Variants in RSPO2 observed in about 807,000 individuals in gnomAD.
RSPO2 encodes R-spondin 2.
A neutral mutation model predicts 30.9 loss-of-function variants in RSPO2; 14 were observed. The ratio of observed to expected loss-of-function variants is 0.45; its 90% confidence interval spans 0.30 to 0.71. The LOEUF is 0.71. Ranked by LOEUF, RSPO2 falls within the 30% of genes least tolerant of loss-of-function variation. The pLI is 0.08. For missense variants in RSPO2, 264 were observed against 301.9 expected (o/e 0.87, Z 0.93); for synonymous variants, 107 against 96.4 (o/e 1.11, Z -0.64).
At chr8:107,927,151 T>A (rs1389148991) in intron 5 of RSPO2, among the ~76,000 whole-genome samples, 1 of 152,222 alleles carries the variant, frequency 6.6e-6, no homozygotes, top group Non-Finnish European at 1.5e-5. Context: ...TTATTCTCTT[T>A]GAAGCAATTG....
chr8:107,966,438 C>G (rs894338678), intron 3 of RSPO2, among the ~76,000 whole-genome samples: 1 of 152,114 alleles, frequency 6.6e-6, no homozygotes, highest in Non-Finnish European at 1.5e-5. Flanking sequence ...CTAAGCTTGA[C>G]GTAAAGACAC....
At chr8:107,961,573 T>C (rs1181823943) in intron 3 of RSPO2, among the ~76,000 whole-genome samples, 1 of 152,144 alleles carries the variant, frequency 6.6e-6, no homozygotes, top group East Asian at 1.9e-4. Flanking sequence ...CACTAGGAGT[T>C]TGTGAAACAG....
intron 3 of RSPO2, among the ~76,000 whole-genome samples, chr8:107,972,151 C>CTTT (rs559178839): frequency 5.9e-4 from 87 of 146,290 alleles, no homozygotes; most frequent in African/African-American, 2.1e-3. Flanking sequence ...TAAACACAGT[C>CTTT]TTTTTTTTTT....
intron 5 of RSPO2, among the ~76,000 whole-genome samples, chr8:107,906,932 A>G (rs966377): frequency 0.22 from 33,808 of 151,618 alleles, 4,246 homozygotes; most frequent in Middle Eastern, 0.39. Flanking sequence ...TTTTAAATCT[A>G]CTCTTTGCAA....
In RSPO2 at chr8:108,023,569, T is replaced by G. The variant is rs996370371; in HGVS notation, c.95-34325A>C. Among the ~76,000 whole-genome samples the G allele has an allele frequency of 7.2e-5, 11 of 152,198 alleles. No homozygotes were observed. The East Asian group carries it at 7.7e-4, about 11-fold the overall frequency. On this transcript the variant is annotated intron_variant, in intron 2 of 5. Transcript: ENST00000276659. ...TGTAAAAATAAAATTAAGATTGGCTTCCTCTTAGGTAGTGAGAGTTGAACA... is the reference window on the plus strand; with the variant it reads ...TGTAAAAATAAAATTAAGATTGGCTGCCTCTTAGGTAGTGAGAGTTGAACA...
chr8:108,060,829 A>G (rs9693129), intron 2 of RSPO2, among the ~76,000 whole-genome samples: 89,867 of 151,590 alleles, frequency 0.59, 27,818 homozygotes, highest in African/African-American at 0.79. Context: ...GACTAACAGC[A>G]GATCTCTCAA....
Position 107,983,219 on chromosome 8 carries a change from A to G in RSPO2, c.283+5837T>C, listed in dbSNP as rs1814512159. The G allele has an allele frequency of 3.2e-6, 5 of 1,578,040 alleles. No homozygotes were observed. In the African/African-American group the frequency reaches 4.1e-5, roughly 13 times the overall value. On this transcript the variant is annotated intron_variant, in intron 3 of 5. Coordinates refer to ENST00000276659, the MANE Select transcript of RSPO2 (RefSeq NM_178565.5). The stretch of plus-strand genomic sequence containing the variant: ...TACGAAGAGGCTATTTCTTGTCACA[A>G]AAAGGCTGCAGCGTATCTTTCTGAA...
intron 2 of RSPO2, among the ~76,000 whole-genome samples, chr8:108,014,095 C>T (rs1385072300): frequency 3.3e-5 from 5 of 152,172 alleles, no homozygotes; most frequent in East Asian, 3.8e-4. Flanking sequence ...GAAAAAACCT[C>T]ATCATCACTG....
At chr8:107,907,447 G>A (rs1811684397) in intron 5 of RSPO2, among the ~76,000 whole-genome samples, 1 of 151,988 alleles carries the variant, frequency 6.6e-6, no homozygotes, top group Non-Finnish European at 1.5e-5. Context: ...TTAAAGTGTT[G>A]AAAATAATAA....
At chr8:108,082,502 A>AC (rs765239600) in intron 2 of RSPO2, 43 bp downstream of exon 2, 2 of 1,503,830 alleles carry the variant, frequency 1.3e-6, no homozygotes, top group Non-Finnish European at 1.9e-6. Context: ...TCCACACGCC[A>AC]CCCCTGAAGC....
chr8:107,945,763 A>G (rs1813041304), intron 5 of RSPO2, among the ~76,000 whole-genome samples: 1 of 152,106 alleles, frequency 6.6e-6, no homozygotes, highest in Admixed American at 6.5e-5. Flanking sequence ...TCATCTCCTC[A>G]GCCACCATTA....
At chr8:108,041,614 T>C (rs1233721728) in intron 2 of RSPO2, among the ~76,000 whole-genome samples, 1 of 152,202 alleles carries the variant, frequency 6.6e-6, no homozygotes, top group Non-Finnish European at 1.5e-5. Context: ...AAAAGATTAG[T>C]GGGCTTTCAG....
intron 5 of RSPO2, among the ~76,000 whole-genome samples, chr8:107,903,145 T>C (rs952273652): frequency 6.6e-6 from 1 of 152,270 alleles, no homozygotes; most frequent in East Asian, 1.9e-4. Flanking sequence ...GTATTTTCTC[T>C]AAACAACAAA....
intron 2 of RSPO2, among the ~76,000 whole-genome samples, chr8:108,065,503 A>T (rs577028232): frequency 6.6e-6 from 1 of 152,204 alleles, no homozygotes; most frequent in East Asian, 1.9e-4. Flanking sequence ...TGGATAGTAA[A>T]ACTGTTAAAT....
chr8:108,033,391 T>C (rs1811491780), intron 2 of RSPO2, among the ~76,000 whole-genome samples: 1 of 152,202 alleles, frequency 6.6e-6, no homozygotes, highest in South Asian at 2.1e-4. Context: ...TAAGAATATC[T>C]AGCTGGCCTC....
At chr8:107,945,356 C>T (rs1473513311) in intron 5 of RSPO2, among the ~76,000 whole-genome samples, 1 of 145,004 alleles carries the variant, frequency 6.9e-6, no homozygotes, top group Non-Finnish European at 1.5e-5. Context: ...TCATGCTATC[C>T]TCCTGCCTCA....
At chr8:108,035,464 T>TTG (rs933487375) in intron 2 of RSPO2, among the ~76,000 whole-genome samples, 13 of 150,812 alleles carry the variant, frequency 8.6e-5, no homozygotes, top group Middle Eastern at 6.9e-3. Flanking sequence ...TTTTGTTTGT[T>TTG]TGTTTTTGTT....
chr8:107,957,745 T>A (rs747091690), intron 5 of RSPO2, among the ~76,000 whole-genome samples: 11 of 152,164 alleles, frequency 7.2e-5, no homozygotes, highest in Non-Finnish European at 1.6e-4. Context: ...CAGAGCAACA[T>A]CTGCGAAGGC....
chr8:107,925,311 C>T (rs1812325580), intron 5 of RSPO2, among the ~76,000 whole-genome samples: 1 of 151,680 alleles, frequency 6.6e-6, no homozygotes, highest in Non-Finnish European at 1.5e-5. Flanking sequence ...TAAGAAACAA[C>T]TTTAAAAGAG....
Sources: allele counts gnomAD v4.1 joint callset (sites outside exome capture counted in the v4.1 genomes callset), GRCh38; gene constraint gnomAD v4.1.1; transcripts MANE v1.5; gene names NCBI Gene and HGNC (gene_info 2026-07-23, HGNC 2026-07-21).